Variants in PRDM16 observed in about 807,000 individuals in gnomAD.
The protein encoded by PRDM16 is PR/SET domain 16.
Under a neutral mutation model 110.6 loss-of-function variants are expected in PRDM16, and 23 were observed. That is an observed-to-expected ratio of 0.21 (90% confidence interval 0.15 to 0.29). The LOEUF is 0.29. PRDM16 is among the 10% of genes least tolerant of loss of function. PRDM16 has a pLI of 1.00. For missense variants in PRDM16, 1,615 were observed against 1,794.3 expected (o/e 0.90, Z 1.81); for synonymous variants, 799 against 781.8 (o/e 1.02, Z -0.37).
intron 3 of PRDM16, among the ~76,000 whole-genome samples, chr1:3,248,225 G>A (rs1055681713): frequency 3.3e-5 from 5 of 152,164 alleles, no homozygotes; most frequent in African/African-American, 1.2e-4. Flanking sequence ...TAGTCCACCC[G>A]GGAGATGCTA....
chr1:3,261,779 C>T (rs1211076540), intron 3 of PRDM16, among the ~76,000 whole-genome samples: 2 of 152,200 alleles, frequency 1.3e-5, no homozygotes, highest in African/African-American at 4.8e-5. Context: ...GCCCCGCCCT[C>T]CGTCCTGGTC....
At chr1:3,114,107 G>A (rs930932817) in intron 1 of PRDM16, among the ~76,000 whole-genome samples, 6 of 152,158 alleles carry the variant, frequency 3.9e-5, no homozygotes, top group Admixed American at 2.6e-4. Flanking sequence ...TGATGGCGCC[G>A]TGCTGCAGTA....
intron 3 of PRDM16, among the ~76,000 whole-genome samples, chr1:3,346,906 C>A (rs1642373892): frequency 6.6e-6 from 1 of 152,264 alleles, no homozygotes; most frequent in Admixed American, 6.5e-5. Flanking sequence ...CTGCCGCTCC[C>A]CTTTCGTGCT....
intron 3 of PRDM16, among the ~76,000 whole-genome samples, chr1:3,261,586 G>A (rs1275557904): frequency 6.6e-6 from 1 of 152,174 alleles, no homozygotes; most frequent in Non-Finnish European, 1.5e-5. Flanking sequence ...ATTGAACCCA[G>A]GGGGCCGGGT....
chr1:3,407,827 G>T (rs1161641735), intron 8 of PRDM16, among the ~76,000 whole-genome samples: 1 of 152,200 alleles, frequency 6.6e-6, no homozygotes, highest in South Asian at 2.1e-4. Flanking sequence ...AACTCAACTG[G>T]CCCTGCCCCG....
chr1:3,242,595 G>A (rs1639700947), intron 2 of PRDM16, among the ~76,000 whole-genome samples: 1 of 152,188 alleles, frequency 6.6e-6, no homozygotes, highest in African/African-American at 2.4e-5. Flanking sequence ...TCCAAACGCA[G>A]CCCATCTAGG....
At chr1:3,396,398 G>C (rs946570106) in intron 4 of PRDM16, 93 bp from the exon 5 acceptor site, 1 of 761,296 alleles carries the variant, frequency 1.3e-6, no homozygotes, top group Admixed American at 2.0e-5. Context: ...AGGCCGAGCT[G>C]CGTCCACAGT....
chr1:3,322,257 C>T (rs1263367961), intron 3 of PRDM16, among the ~76,000 whole-genome samples: 1 of 151,988 alleles, frequency 6.6e-6, no homozygotes, highest in East Asian at 1.9e-4. Flanking sequence ...GGTTTTCTGT[C>T]AAAGCCGAGT....
At chr1:3,147,975 C>T (rs1009167216) in intron 1 of PRDM16, among the ~76,000 whole-genome samples, 1 of 152,160 alleles carries the variant, frequency 6.6e-6, no homozygotes, top group Non-Finnish European at 1.5e-5. Context: ...ACCTCAAACC[C>T]CATTCTCTGA....
chr1:3,351,398 A>G (rs976568704), intron 3 of PRDM16, among the ~76,000 whole-genome samples: 2 of 151,804 alleles, frequency 1.3e-5, no homozygotes, highest in African/African-American at 4.8e-5. Context: ...GAATTTCTTC[A>G]GAACCCAGAA....
At chr1:3,323,650 G>T (rs1641815211) in intron 3 of PRDM16, among the ~76,000 whole-genome samples, 1 of 152,368 alleles carries the variant, frequency 6.6e-6, no homozygotes, top group Admixed American at 6.5e-5. Flanking sequence ...GTCATAAAAA[G>T]CACCGACAAA....
At chr1:3,138,712 T>C (rs980646624) in intron 1 of PRDM16, among the ~76,000 whole-genome samples, 7 of 152,196 alleles carry the variant, frequency 4.6e-5, no homozygotes, top group African/African-American at 1.7e-4. Context: ...TCCAGAAGGC[T>C]TTCCTGCTCA....
At chr1:3,124,117 C>G (rs539395565) in intron 1 of PRDM16, among the ~76,000 whole-genome samples, 62 of 152,286 alleles carry the variant, frequency 4.1e-4, no homozygotes, top group African/African-American at 1.5e-3. Flanking sequence ...GACCCGGGTG[C>G]TTAGGAGGGC....
intron 3 of PRDM16, among the ~76,000 whole-genome samples, chr1:3,384,380 C>A (rs116047705): frequency 2.0e-5 from 3 of 152,138 alleles, no homozygotes; most frequent in African/African-American, 7.2e-5. Flanking sequence ...GGCTGGGGGG[C>A]CTGCAGCCGC....
intron 1 of PRDM16, among the ~76,000 whole-genome samples, chr1:3,173,943 G>A (rs952840697): frequency 2.0e-5 from 3 of 152,222 alleles, no homozygotes; most frequent in African/African-American, 7.2e-5. Flanking sequence ...GTTCTCGGCC[G>A]GGCCCGTGCT....
chr1:3,409,845 TGGGTGTGTGTGTGGTGTTTGTGTGC>T (rs1325012214), intron 8 of PRDM16, among the ~76,000 whole-genome samples: 37 of 137,406 alleles, frequency 2.7e-4, no homozygotes, highest in East Asian at 7.2e-4. Context: ...GTGTGTGGTG[TGGGTGTGTGTGTGGTGTTTGTGTGC>T]ATGTGTGTGG....
In PRDM16 at chr1:3,321,966, CTG is replaced by C. The variant is rs531313751; in HGVS notation, c.439-63184_439-63183del. On this transcript the variant is annotated intron_variant, in intron 3 of 16. Coordinates refer to ENST00000270722, the MANE Select transcript of PRDM16 (RefSeq NM_022114.4). The stretch of plus-strand genomic sequence containing the variant: ...TTGGCATGCATGTATGTACATGAGA[CTG>C]TATATTTGTGTGGGGGTGCATGTGT... Among the ~76,000 whole-genome samples, 18 of 150,572 alleles carry C rather than the reference CTG, an allele frequency of 1.2e-4. No individual in the cohort carries two copies. In the East Asian group the frequency reaches 2.2e-3, roughly 18 times the overall value.
At chr1:3,249,505 A>G (rs1018020337) in intron 3 of PRDM16, among the ~76,000 whole-genome samples, 2 of 152,008 alleles carry the variant, frequency 1.3e-5, no homozygotes, top group African/African-American at 4.8e-5. Flanking sequence ...GAGTGCCGTC[A>G]CTAAACTGCA....
At chr1:3,152,290 A>G (rs990017780) in intron 1 of PRDM16, among the ~76,000 whole-genome samples, 2 of 152,032 alleles carry the variant, frequency 1.3e-5, no homozygotes, top group Admixed American at 1.3e-4. Context: ...TCATCCATCC[A>G]TTTATCCCTC....
Sources: gnomAD v4.1 joint callset for allele counts (sites outside exome capture counted in the v4.1 genomes callset) on GRCh38, gnomAD v4.1.1 for gene constraint, MANE v1.5 for transcripts, NCBI Gene and HGNC (gene_info 2026-07-23, HGNC 2026-07-21) for gene names.